Variants in SMOC2 observed in about 807,000 individuals in gnomAD.
SMOC2 encodes SPARC-related modular calcium-binding protein 2.
SMOC2 carries 39 observed loss-of-function variants against 61.4 expected under a neutral mutation model. That is an observed-to-expected ratio of 0.64 (90% CI 0.49 to 0.83). The LOEUF is 0.83. Among genes scored for constraint, SMOC2 ranks in the 40% least tolerant of loss-of-function variants. The pLI is 0.00. For synonymous variants in SMOC2, 247 were observed against 239.9 expected, an observed-to-expected ratio of 1.03 and a Z score of -0.27; for missense variants, 556 against 592.9, an observed-to-expected ratio of 0.94 and a Z score of 0.65.
Position 168,606,945 on chromosome 6 carries a change from G to T in SMOC2, c.825-1212G>T, listed in dbSNP as rs370524753. On this transcript the variant is annotated intron_variant, in intron 8 of 12. Transcript: ENST00000356284. The stretch of plus-strand genomic sequence containing the variant: ...GACACTCATGGATGGGAGGGGCAGG[G>T]GGCTGGGGAGCCGCCATGCAGCATG... Among the ~76,000 whole-genome samples the T allele has an allele frequency of 1.5e-3, 222 of 152,268 alleles. 5 individuals are homozygous for T. The Middle Eastern group carries it at 0.02, about 14-fold the overall frequency.
In SMOC2 at chr6:168,587,590, G is replaced by A. The variant is rs536133120; in HGVS notation, c.638-11228G>A. Among the ~76,000 whole-genome samples the A allele has an allele frequency of 2.6e-5, 4 of 152,310 alleles. No individual in the cohort carries two copies. In the East Asian group the frequency reaches 7.7e-4, roughly 29 times the overall value. On this transcript the variant is annotated intron_variant, in intron 7 of 12. Coordinates refer to ENST00000356284, the MANE Select transcript of SMOC2 (RefSeq NM_001166412.2). ...ACAACGTACATCTGAGAGGAGGATA[G>A]AGGAACAGTCGCTTCCGCCCTAGTC... is the stretch of plus-strand genomic sequence containing the variant.
At position 168,599,811 on chromosome 6, in the gene SMOC2, CCA is replaced by C. The variant is rs77047132; in HGVS notation, c.824+823_824+824del. The stretch of plus-strand genomic sequence containing the variant: ...ACATACCCACAGTCACACATTCACC[CCA>C]CACACACACACACACGCCCCCCACA... On this transcript the variant is annotated intron_variant, in intron 8 of 12. Coordinates refer to ENST00000356284, the MANE Select transcript of SMOC2 (RefSeq NM_001166412.2). 8.6e-3 allele frequency among the ~76,000 whole-genome samples: 787 copies of C among 90,996 alleles called. 21 individuals carry two copies. Among genetic ancestry groups the C allele is most frequent in the African/African-American group, 0.027 (594 of 22,252 alleles). The allele number at this position is 90,996 out of a possible 152,430, so 59.7% of individuals were successfully genotyped here.
chr6:168,549,132 T>C lies in SMOC2; in HGVS notation c.566T>C (p.Ile189Thr), dbSNP rs1406585207. The C allele has an allele frequency of 3.1e-6, 5 of 1,613,712 alleles. No homozygotes were observed. The highest frequency in any genetic ancestry group is 1.7e-5 in the Admixed American group (1 of 60,014). ...ETQPQGDEED[I>T]ASRYPTLWTE... Reference sequence around the variant, plus strand: ...GTCATTTCATTTTGGTTCATAGATATTGCATCACGTTACCCTACCCTTTGG... The same window carrying C: ...GTCATTTCATTTTGGTTCATAGATACTGCATCACGTTACCCTACCCTTTGG... Residue 189 changes from isoleucine to threonine, a missense_variant, in exon 7 of 13, where the codon ATT (isoleucine) becomes ACT (threonine). Ile to Thr is a moderately conservative substitution (Grantham distance 89, BLOSUM62 -1). Transcript: ENST00000356284.
intron 1 of SMOC2, among the ~76,000 whole-genome samples, chr6:168,442,746 C>T (rs1354314924): frequency 2.6e-5 from 4 of 152,256 alleles, no homozygotes; most frequent in South Asian, 2.1e-4. Context: ...CTTTCTTTTG[C>T]GTTTTAGCAG....
rs965875287 is a variant in SMOC2 at position 168,600,434 on chromosome 6, CAAAAAAAAAA to C, written c.824+1432_824+1441del. 6.1e-3 allele frequency among the ~76,000 whole-genome samples: 155 copies of C among 25,372 alleles called. 18 individuals carry two copies. The East Asian group carries it at 0.1, about 17-fold the overall frequency. The allele number at this position is 25,372 out of a possible 152,430, so 16.6% of individuals were successfully genotyped here. On this transcript the variant is annotated intron_variant, in intron 8 of 12. Coordinates refer to ENST00000356284, the MANE Select transcript of SMOC2 (RefSeq NM_001166412.2). ...AAAAAAAAAAAAACAAAAAAAAAAA[CAAAAAAAAAA>C]ACAGTAGTTTCAACTGTTGGAAACT...
chr6:168,648,660 A>G (rs997303949), intron 9 of SMOC2, among the ~76,000 whole-genome samples: 31 of 152,126 alleles, frequency 2.0e-4, no homozygotes, highest in Non-Finnish European at 3.8e-4. Flanking sequence ...TTTGCTATAG[A>G]TTTTGATCTC....
Position 168,653,044 on chromosome 6 carries a change from C to G in SMOC2, c.1101C>G (p.Ile367Met). 1 of 1,614,012 alleles carries G rather than the reference C, an allele frequency of 6.2e-7. No individual in the cohort carries two copies. The highest frequency in any genetic ancestry group is 8.5e-7 in the Non-Finnish European group (1 of 1,180,004). ...KLLDKNSSGD[I>M]GKKEIKPFKR... ...TGGATAAAAACTCCAGTGGAGACAT[C>G]GGCAAAAAGGAAATCAAACCCTTCA... Residue 367 changes from isoleucine (I) to methionine (M), a missense_variant, in exon 11 of 13, where the codon ATC (isoleucine) becomes ATG (methionine). Physicochemically the swap from Ile to Met is conservative, Grantham distance 10. Transcript: ENST00000356284.
At chr6:168,522,151 G>A (rs1190877220) in intron 2 of SMOC2, among the ~76,000 whole-genome samples, 1 of 152,154 alleles carries the variant, frequency 6.6e-6, no homozygotes, top group Non-Finnish European at 1.5e-5. Context: ...ATGAGCCAAA[G>A]TACTATGAAA....
At position 168,567,736 on chromosome 6, in the gene SMOC2, C is replaced by T. The variant is rs9456191; in HGVS notation, c.637+18533C>T. Among the ~76,000 whole-genome samples the T allele has an allele frequency of 9.8e-3, 1,483 of 151,586 alleles. 27 individuals are homozygous for T. Among genetic ancestry groups the T allele is most frequent in the African/African-American group, 0.034 (1,388 of 41,182 alleles). ...CGGTCCAGAAACGTTATCTGAAGCT[C>T]GATGAGGAGCCACAGGCGAAGACCA... On this transcript the variant is annotated intron_variant, in intron 7 of 12. Transcript: ENST00000356284.
At chr6:168,583,914 T>C (rs1784982911) in intron 7 of SMOC2, among the ~76,000 whole-genome samples, 1 of 152,204 alleles carries the variant, frequency 6.6e-6, no homozygotes, top group Admixed American at 6.5e-5. Context: ...TTGCAGCCGC[T>C]CCGTCAGGGA....
chr6:168,618,596 T>G, intron 9 of SMOC2, among the ~76,000 whole-genome samples: 2 of 143,190 alleles, frequency 1.4e-5, no homozygotes, highest in Non-Finnish European at 1.5e-5. Flanking sequence ...AAGAGGAGAG[T>G]TGAGGAGAGG....
At chr6:168,614,842 C>T (rs796232863) in intron 9 of SMOC2, among the ~76,000 whole-genome samples, 9 of 30,518 alleles carry the variant, frequency 2.9e-4, no homozygotes, top group East Asian at 1.2e-3. Flanking sequence ...CCTCTTCACA[C>T]CTACAGCCAG....
intron 7 of SMOC2, among the ~76,000 whole-genome samples, chr6:168,571,531 G>A (rs116175214): frequency 0.02 from 3,069 of 152,242 alleles, 70 homozygotes; most frequent in African/African-American, 0.056. Flanking sequence ...GCTTTTCCAC[G>A]GCGTGGTGTG....
intron 1 of SMOC2, among the ~76,000 whole-genome samples, chr6:168,497,454 C>T (rs1469828356): frequency 1.3e-5 from 2 of 152,146 alleles, no homozygotes; most frequent in African/African-American, 2.4e-5. Flanking sequence ...GTGGCCTCCG[C>T]GGCATGTGGT....
At chr6:168,539,682 G>A (rs1417358109) in intron 4 of SMOC2, among the ~76,000 whole-genome samples, 1 of 152,250 alleles carries the variant, frequency 6.6e-6, no homozygotes, top group Non-Finnish European at 1.5e-5. Flanking sequence ...GGCACTTCCA[G>A]CATCTGGAGC....
chr6:168,516,036 C>T (rs1218562413), intron 2 of SMOC2, among the ~76,000 whole-genome samples: 1 of 152,138 alleles, frequency 6.6e-6, no homozygotes, highest in Non-Finnish European at 1.5e-5. Context: ...GAGGCTGAGG[C>T]TGTCTTTAGC....
intron 1 of SMOC2, among the ~76,000 whole-genome samples, chr6:168,494,932 T>C (rs1782551576): frequency 6.6e-6 from 1 of 152,204 alleles, no homozygotes; most frequent in Non-Finnish European, 1.5e-5. Flanking sequence ...TCCTGGGGAA[T>C]AGGGAACCTC....
chr6:168,619,487 T>C (rs893688075), intron 9 of SMOC2, among the ~76,000 whole-genome samples: 1 of 152,262 alleles, frequency 6.6e-6, no homozygotes, highest in Non-Finnish European at 1.5e-5. Context: ...TTCCTAACTC[T>C]ATTAAAGCAG....
chr6:168,489,524 A>G (rs1169023275), intron 1 of SMOC2, among the ~76,000 whole-genome samples: 1 of 150,244 alleles, frequency 6.7e-6, no homozygotes, highest in Non-Finnish European at 1.5e-5. Flanking sequence ...GTCCCCTTGG[A>G]TCACACTGTT....
Sources: allele counts gnomAD v4.1 joint callset (sites outside exome capture counted in the v4.1 genomes callset), GRCh38; gene constraint gnomAD v4.1.1; transcripts MANE v1.5; gene names NCBI Gene and HGNC (gene_info 2026-07-23, HGNC 2026-07-21).